The following SYT16 variants were observed in gnomAD, a reference collection of about 807,000 sequenced individuals.
SYT16 encodes the protein synaptotagmin 16.
In SYT16, 42 loss-of-function variants were observed where a neutral mutation model predicts 61.4. The observed-to-expected ratio is 0.68, with a 90% confidence interval of 0.53 to 0.89. The LOEUF is 0.89. Among genes scored for constraint, SYT16 ranks in the 40% least tolerant of loss-of-function variants. The pLI, the probability that SYT16 is intolerant of heterozygous loss-of-function variation, is 0.00. For synonymous variants in SYT16, 314 were observed against 302.3 expected (o/e 1.04, Z -0.40); for missense variants, 804 against 807.3 (o/e 1.00, Z 0.05).
At chr14:61,908,757 C>G (rs2140374947) in intron 1 of SYT16, among the ~76,000 whole-genome samples, 1 of 152,312 alleles carries the variant, frequency 6.6e-6, no homozygotes, top group Non-Finnish European at 1.5e-5. Flanking sequence ...GAAACGCAAG[C>G]TAGCTTCTAC....
intron 1 of SYT16, among the ~76,000 whole-genome samples, chr14:61,842,794 AG>A (rs913323995): frequency 2.7e-5 from 4 of 150,134 alleles, no homozygotes; most frequent in African/African-American, 9.8e-5. Context: ...GGGAGCGGGG[AG>A]GGATAGCATT....
At chr14:61,963,026 A>G (rs555643046) in intron 1 of SYT16, among the ~76,000 whole-genome samples, 12 of 152,242 alleles carry the variant, frequency 7.9e-5, no homozygotes, top group Admixed American at 2.0e-4. Flanking sequence ...TAGAACTGCA[A>G]TAGTGTCCAT....
At chr14:62,011,560 GT>G (rs957813042) in intron 3 of SYT16, among the ~76,000 whole-genome samples, 1 of 152,100 alleles carries the variant, frequency 6.6e-6, no homozygotes, top group African/African-American at 2.4e-5. Context: ...TACTTCTGGT[GT>G]TTGGGGTAGA....
chr14:61,916,701 G>A (rs1024512464), intron 1 of SYT16, among the ~76,000 whole-genome samples: 1 of 152,054 alleles, frequency 6.6e-6, no homozygotes, highest in Admixed American at 6.6e-5. Flanking sequence ...TTATCTAACT[G>A]TATTGGACTC....
At chr14:62,066,223 G>A (rs139557256) in intron 3 of SYT16, among the ~76,000 whole-genome samples, 7 of 152,314 alleles carry the variant, frequency 4.6e-5, no homozygotes, top group African/African-American at 1.2e-4. Flanking sequence ...GTTAATGTGA[G>A]TACACAGAGT....
intron 1 of SYT16, among the ~76,000 whole-genome samples, chr14:61,859,239 A>G (rs2140284574): frequency 6.6e-6 from 1 of 152,282 alleles, no homozygotes. Context: ...AGCTTGCGCT[A>G]GTGAATGCTG....
intron 1 of SYT16, chr14:61,864,996 G>A (rs1824779973): frequency 1.4e-6 from 2 of 1,402,416 alleles, no homozygotes; most frequent in East Asian, 2.3e-5. Context: ...TACAGTGGCA[G>A]CCTGTTGCTC....
At chr14:61,898,049 T>C (rs73258440) in intron 1 of SYT16, among the ~76,000 whole-genome samples, 6,524 of 152,330 alleles carry the variant, frequency 0.043, 452 homozygotes, top group African/African-American at 0.14. Flanking sequence ...ATTAATATTC[T>C]GGTTCTTTTT....
chr14:62,067,417 A>G (rs1214266598), intron 3 of SYT16, among the ~76,000 whole-genome samples: 1 of 152,160 alleles, frequency 6.6e-6, no homozygotes, highest in Non-Finnish European at 1.5e-5. Flanking sequence ...GGAGCCAGAC[A>G]TATAAACACC....
At position 61,945,631 on chromosome 14, in the gene SYT16, G is replaced by A. The variant is rs913128928; in HGVS notation, c.-324-24501G>A. 7.6e-4 allele frequency among the ~76,000 whole-genome samples: 115 copies of A among 151,960 alleles called. 1 individual carries two copies. Among genetic ancestry groups the A allele is most frequent in the African/African-American group, 7.2e-5 (3 of 41,400 alleles). On this transcript the variant is annotated intron_variant, in intron 1 of 7. Coordinates refer to ENST00000683842, the MANE Select transcript of SYT16 (RefSeq NM_001367656.1). ...AGCACTTTGGGAGGCCGAGGCGGGC[G>A]GATCACGAGGTCAGGAGATCGAGAC...
intron 7 of SYT16, among the ~76,000 whole-genome samples, chr14:62,092,211 C>T (rs1016963724): frequency 7.9e-6 from 1 of 127,236 alleles, no homozygotes; most frequent in South Asian, 2.6e-4. Context: ...CACACACACA[C>T]ACACACACAC....
chr14:62,023,953 A>C (rs1404857726), intron 3 of SYT16, among the ~76,000 whole-genome samples: 2 of 152,146 alleles, frequency 1.3e-5, no homozygotes, highest in African/African-American at 4.8e-5. Context: ...TCAATTTCCC[A>C]TAAAAACCTT....
chr14:62,003,364 A>T (rs192125540), intron 3 of SYT16, among the ~76,000 whole-genome samples: 2 of 151,840 alleles, frequency 1.3e-5, no homozygotes, highest in Admixed American at 1.3e-4. Context: ...TGTGACTCCC[A>T]TGGGTTCTGT....
intron 3 of SYT16, among the ~76,000 whole-genome samples, chr14:61,997,251 ACATTC>A: frequency 6.6e-6 from 1 of 152,188 alleles, no homozygotes; most frequent in South Asian, 2.1e-4. Flanking sequence ...TGAAGTAAGG[ACATTC>A]CACCTGGTTA....
intron 1 of SYT16, among the ~76,000 whole-genome samples, chr14:61,874,770 T>G (rs2047434372): frequency 1.1e-5 from 1 of 92,414 alleles, no homozygotes; most frequent in South Asian, 2.6e-4. Flanking sequence ...GCAGCAAGAT[T>G]TTTTTTTTTT....
At chr14:62,069,851 G>A (rs2056227510) in intron 4 of SYT16, 36 bp downstream of exon 4, 1 of 1,604,370 alleles carries the variant, frequency 6.2e-7, no homozygotes, top group Non-Finnish European at 8.5e-7. Flanking sequence ...TTAGACCAGG[G>A]ATGGCCAATG....
At chr14:61,933,306 A>C (rs1289840590) in intron 1 of SYT16, among the ~76,000 whole-genome samples, 2 of 152,224 alleles carry the variant, frequency 1.3e-5, no homozygotes, top group Non-Finnish European at 2.9e-5. Context: ...TATAGAAAGA[A>C]GGTATCTGAA....
intron 1 of SYT16, among the ~76,000 whole-genome samples, chr14:61,834,711 A>G (rs1264705698): frequency 6.6e-6 from 1 of 152,126 alleles, no homozygotes; most frequent in Non-Finnish European, 1.5e-5. Flanking sequence ...TGTTGAGATT[A>G]CAGACATGAG....
intron 2 of SYT16, among the ~76,000 whole-genome samples, chr14:61,975,198 C>G (rs1264908368): frequency 6.6e-6 from 1 of 152,032 alleles, no homozygotes; most frequent in African/African-American, 2.4e-5. Flanking sequence ...AGTTGAGGAC[C>G]ATCTGTGCAC....
Sources: allele counts gnomAD v4.1 joint callset (sites outside exome capture counted in the v4.1 genomes callset), GRCh38; gene constraint gnomAD v4.1.1; transcripts MANE v1.5; gene names NCBI Gene and HGNC (gene_info 2026-07-23, HGNC 2026-07-21).